EYS: variants seen among roughly 807,000 people sequenced by gnomAD.
EYS encodes the protein protein eyes shut homolog.
A neutral mutation model predicts 282.1 loss-of-function variants in EYS; 250 were observed. The ratio of observed to expected loss-of-function variants is 0.89; its 90% CI spans 0.80 to 0.98. The LOEUF (loss-of-function observed/expected upper bound fraction) is 0.98. Among genes scored for constraint, EYS ranks in the 50% least tolerant of loss-of-function variants. The pLI is 0.00. For synonymous variants in EYS, 1,355 were observed against 1,282.9 expected (o/e 1.06, Z -1.20); for missense variants, 4,016 against 3,709.0 (o/e 1.08, Z -2.15).
chr6:65,481,139 T>A (rs1582353537), intron 5 of EYS, among the ~76,000 whole-genome samples: 1 of 152,318 alleles, frequency 6.6e-6, no homozygotes, highest in East Asian at 1.9e-4. Flanking sequence ...AAAGAAATGA[T>A]AAATGCTTGA....
chr6:64,776,156 T>C (rs1261702307), intron 22 of EYS, among the ~76,000 whole-genome samples: 1 of 152,126 alleles, frequency 6.6e-6, no homozygotes, highest in Non-Finnish European at 1.5e-5. Context: ...AGCTCATATG[T>C]GGACTGATAT....
chr6:64,336,076 G>GA (rs1444825951), intron 29 of EYS, among the ~76,000 whole-genome samples: 3 of 151,420 alleles, frequency 2.0e-5, no homozygotes, highest in Non-Finnish European at 3.0e-5. Flanking sequence ...AAGTGAAACA[G>GA]AAAAAAAATA....
chr6:65,334,845 TG>T (rs1769922699), intron 11 of EYS, 134 bp downstream of exon 11: 1 of 714,864 alleles, frequency 1.4e-6, no homozygotes, highest in African/African-American at 1.8e-5. Context: ...TATATGTATA[TG>T]TAAGTGTTTG....
chr6:64,952,155 A>G (rs1769533842), intron 14 of EYS, among the ~76,000 whole-genome samples: 1 of 151,998 alleles, frequency 6.6e-6, no homozygotes, highest in Non-Finnish European at 1.5e-5. Flanking sequence ...AGCCAACATC[A>G]TAATGGAGTG....
intron 31 of EYS, among the ~76,000 whole-genome samples, chr6:64,202,368 C>A (rs1224149643): frequency 6.6e-6 from 1 of 152,118 alleles, no homozygotes; most frequent in Non-Finnish European, 1.5e-5. Context: ...AGACTCTACC[C>A]ATCACCACTC....
chr6:65,129,615 C>T (rs1248756086), intron 12 of EYS, among the ~76,000 whole-genome samples: 1 of 151,898 alleles, frequency 6.6e-6, no homozygotes, highest in Non-Finnish European at 1.5e-5. Context: ...CAATGAGATA[C>T]CATCTCACAC....
At chr6:63,818,168 G>A (rs909353824) in intron 36 of EYS, among the ~76,000 whole-genome samples, 2 of 152,298 alleles carry the variant, frequency 1.3e-5, no homozygotes, top group South Asian at 2.1e-4. Flanking sequence ...CTTTCATAAT[G>A]TATTTAAATA....
chr6:63,874,589 T>C (rs1772913393), intron 35 of EYS, among the ~76,000 whole-genome samples: 1 of 152,090 alleles, frequency 6.6e-6, no homozygotes, highest in Admixed American at 6.5e-5. Flanking sequence ...CCTTGGGCAG[T>C]ATGGCCATTT....
intron 5 of EYS, among the ~76,000 whole-genome samples, chr6:65,487,108 T>G (rs1765811456): frequency 6.6e-6 from 1 of 152,202 alleles, no homozygotes; most frequent in Non-Finnish European, 1.5e-5. Flanking sequence ...TATACAATCA[T>G]GTCATCTGCA....
In EYS at chr6:63,821,324, G is replaced by A. The variant is rs1163167872; in HGVS notation, c.7229-14952C>T. Reference sequence around the variant, plus strand: ...AGTAGAAACAACACATCAAAGTGAGGGATTTATAAAGCAGGAGACTGAAAA... The same window carrying A: ...AGTAGAAACAACACATCAAAGTGAGAGATTTATAAAGCAGGAGACTGAAAA... On this transcript the variant is annotated intron_variant, in intron 36 of 42. Transcript: ENST00000503581. The A allele has an allele frequency of 2.6e-5, 4 of 151,974 alleles. No individual in the cohort carries two copies. In the East Asian group the frequency reaches 7.7e-4, roughly 29 times the overall value. 9.4% of individuals were successfully genotyped at this position (151,974 alleles called of 1,614,324 possible). A position where few individuals can be genotyped will look rare whatever the true frequency, so the allele number is the denominator to read the frequency against.
intron 13 of EYS, among the ~76,000 whole-genome samples, chr6:65,025,024 A>G (rs936944232): frequency 1.2e-4 from 18 of 152,232 alleles, no homozygotes; most frequent in Non-Finnish European, 1.6e-4. Context: ...AACTCTTCTT[A>G]TGTATGAAAA....
intron 26 of EYS, among the ~76,000 whole-genome samples, chr6:64,440,598 G>C (rs1774907185): frequency 6.6e-6 from 1 of 151,912 alleles, no homozygotes; most frequent in South Asian, 2.1e-4. Flanking sequence ...TGATAGGGAC[G>C]TATTTTTTTT....
intron 35 of EYS, among the ~76,000 whole-genome samples, chr6:63,949,525 A>G (rs539212477): frequency 6.6e-6 from 1 of 152,258 alleles, no homozygotes; most frequent in South Asian, 2.1e-4. Flanking sequence ...TATCTTAGAC[A>G]TATTCTTTTC....
intron 22 of EYS, among the ~76,000 whole-genome samples, chr6:64,637,810 T>C (rs1192186241): frequency 2.2e-5 from 2 of 90,332 alleles, no homozygotes; most frequent in Non-Finnish European, 4.8e-5. Context: ...TCTTAATACC[T>C]AGGTCATGGG....
chr6:64,213,278 C>T lies in EYS; in HGVS notation c.6424+17314G>A, dbSNP rs571906696. 2.0e-3 allele frequency among the ~76,000 whole-genome samples: 274 copies of T among 136,540 alleles called. 1 individual carries two copies. The highest frequency in any genetic ancestry group is 6.7e-3 in the African/African-American group (253 of 37,744). 89.6% of individuals were successfully genotyped at this position (136,540 alleles called of 152,430 possible). Reference sequence around the variant, plus strand: ...GGGGACATTAAAACCATAGCAAATACATATAAAAAAACCTTTCTAAATCTT... The same window carrying T: ...GGGGACATTAAAACCATAGCAAATATATATAAAAAAACCTTTCTAAATCTT... On this transcript the variant is annotated intron_variant, in intron 31 of 42. Coordinates refer to ENST00000503581, the MANE Select transcript of EYS (RefSeq NM_001142800.2).
intron 11 of EYS, among the ~76,000 whole-genome samples, chr6:65,322,610 C>A (rs188000961): frequency 0.011 from 1,658 of 151,998 alleles, 56 homozygotes; most frequent in Admixed American, 0.073. Context: ...TCCTGGCCAA[C>A]ATGGTGAAAT....
chr6:65,159,848 A>G (rs1258018561), intron 12 of EYS, among the ~76,000 whole-genome samples: 1 of 150,990 alleles, frequency 6.6e-6, no homozygotes, highest in African/African-American at 2.4e-5. Context: ...AATTTGAAAC[A>G]ATTAGAAATA....
At position 65,175,383 on chromosome 6, in the gene EYS, C is replaced by T. The variant is rs1339031845; in HGVS notation, c.2024-117656G>A. ...GTCATAGTTAAAGTTACAAACTATG[C>T]AGGATATCCAAGGTAAATAATGAAG... On this transcript the variant is annotated intron_variant, in intron 12 of 42. Coordinates refer to ENST00000503581, the MANE Select transcript of EYS (RefSeq NM_001142800.2). 2.0e-5 allele frequency among the ~76,000 whole-genome samples: 3 copies of T among 151,160 alleles called. No individual in the cohort carries two copies. The East Asian group carries it at 5.9e-4, about 30-fold the overall frequency.
chr6:64,481,272 GTGTATA>G (rs1562018422), intron 26 of EYS, among the ~76,000 whole-genome samples: 1 of 117,216 alleles, frequency 8.5e-6, no homozygotes, highest in East Asian at 3.1e-4. Context: ...TGGTGTGTGT[GTGTATA>G]TATATATATA....
Sources: gnomAD v4.1 joint callset for allele counts (sites outside exome capture counted in the v4.1 genomes callset) on GRCh38, gnomAD v4.1.1 for gene constraint, MANE v1.5 for transcripts, NCBI Gene and HGNC (gene_info 2026-07-23, HGNC 2026-07-21) for gene names.